PTPRD: variants seen among roughly 807,000 people sequenced by gnomAD.
The protein encoded by PTPRD is protein tyrosine phosphatase receptor type D.
A neutral mutation model predicts 214.5 loss-of-function variants in PTPRD; 34 were observed. That is an observed-to-expected ratio of 0.16 (90% CI 0.12 to 0.21). The LOEUF (loss-of-function observed/expected upper bound fraction) is 0.21. Ranked by LOEUF, PTPRD falls within the 10% of genes least tolerant of loss-of-function variation. PTPRD has a pLI of 1.00. For synonymous variants in PTPRD, 1,128 were observed against 845.7 expected, an observed-to-expected ratio of 1.33 and a Z score of -5.79; for missense variants, 2,545 against 2,398.7, an observed-to-expected ratio of 1.06 and a Z score of -1.27.
intron 2 of PTPRD, among the ~76,000 whole-genome samples, chr9:10,526,363 A>T (rs12555620): frequency 1.3e-5 from 2 of 152,114 alleles, no homozygotes; most frequent in African/African-American, 4.8e-5. Context: ...ATCATTGAAC[A>T]CATTTTTAAG....
chr9:10,476,008 A>G (rs2099060179), intron 2 of PTPRD, among the ~76,000 whole-genome samples: 1 of 152,174 alleles, frequency 6.6e-6, no homozygotes, highest in South Asian at 2.1e-4. Context: ...TATTTATAAC[A>G]AGCCCATAGC....
intron 5 of PTPRD, among the ~76,000 whole-genome samples, chr9:9,843,899 G>A (rs1405191388): frequency 6.6e-6 from 1 of 151,986 alleles, no homozygotes. Context: ...AATAGACCAT[G>A]ACAACATGGC....
intron 8 of PTPRD, among the ~76,000 whole-genome samples, chr9:9,493,904 C>G (rs1021409145): frequency 1.3e-5 from 2 of 151,506 alleles, no homozygotes; most frequent in African/African-American, 4.9e-5. Context: ...AACTGAAAAC[C>G]TTGCAGAAAA....
intron 11 of PTPRD, among the ~76,000 whole-genome samples, chr9:8,778,702 A>C (rs2095578902): frequency 1.3e-5 from 2 of 152,190 alleles, no homozygotes; most frequent in Non-Finnish European, 2.9e-5. Context: ...GCTTAGAAAG[A>C]TCAGTAATAC....
At chr9:9,989,474 G>A (rs2095838682) in intron 4 of PTPRD, among the ~76,000 whole-genome samples, 1 of 152,108 alleles carries the variant, frequency 6.6e-6, no homozygotes, top group Non-Finnish European at 1.5e-5. Context: ...TGGCTTGATG[G>A]CAGGACTTTG....
At chr9:8,369,887 C>T (rs1232431656) in intron 39 of PTPRD, among the ~76,000 whole-genome samples, 1 of 151,736 alleles carries the variant, frequency 6.6e-6, no homozygotes, top group Non-Finnish European at 1.5e-5. Flanking sequence ...CCAATGTATT[C>T]ATTCCTAACA....
chr9:10,496,998 C>T (rs1456134476), intron 2 of PTPRD, among the ~76,000 whole-genome samples: 2 of 151,914 alleles, frequency 1.3e-5, no homozygotes, highest in Non-Finnish European at 2.9e-5. Flanking sequence ...TCCTTTGCAC[C>T]AACATGGATG....
chr9:8,414,930 GGAGAGAGAGAGA>G lies in PTPRD; in HGVS notation c.4087-10282_4087-10271del, dbSNP rs58529453. 9.5e-3 allele frequency among the ~76,000 whole-genome samples: 466 copies of G among 49,240 alleles called. 4 individuals are homozygous for G. Among genetic ancestry groups the G allele is most frequent in the African/African-American group, 0.031 (395 of 12,854 alleles). The allele number at this position is 49,240 out of a possible 152,430, so 32.3% of individuals were successfully genotyped here. On this transcript the variant is annotated intron_variant, in intron 35 of 45. Transcript: ENST00000381196. ...GAGGGAGGGGGAGAGAGAGGGAGGGGGAGAGAGAGAGAGAGAGAGAGAGAGAGAGAGAGAGAG... is the reference window on the plus strand; with the variant it reads ...GAGGGAGGGGGAGAGAGAGGGAGGGGGAGAGAGAGAGAGAGAGAGAGAGAG...
chr9:9,423,336 C>G (rs1375284317), intron 8 of PTPRD, among the ~76,000 whole-genome samples: 2 of 152,138 alleles, frequency 1.3e-5, no homozygotes, highest in Non-Finnish European at 2.9e-5. Flanking sequence ...CTCTCCACTA[C>G]ACAAGTACAG....
chr9:8,595,393 C>G (rs989678176), intron 14 of PTPRD, among the ~76,000 whole-genome samples: 3 of 152,016 alleles, frequency 2.0e-5, no homozygotes, highest in African/African-American at 4.8e-5. Context: ...TTGAGAGAGA[C>G]AGTTTAGAAT....
intron 2 of PTPRD, among the ~76,000 whole-genome samples, chr9:10,461,994 G>A (rs1363377924): frequency 6.6e-6 from 1 of 152,010 alleles, no homozygotes; most frequent in African/African-American, 2.4e-5. Flanking sequence ...TGGTTACCAG[G>A]GTCAGGCTGT....
At chr9:8,714,225 T>A (rs1182795605) in intron 12 of PTPRD, among the ~76,000 whole-genome samples, 4 of 152,232 alleles carry the variant, frequency 2.6e-5, no homozygotes, top group Non-Finnish European at 2.9e-5. Context: ...GAGCAATGAT[T>A]ATTTTCCATA....
chr9:8,508,632 G>C (rs111741779), intron 21 of PTPRD, among the ~76,000 whole-genome samples: 1,797 of 152,166 alleles, frequency 0.012, 18 homozygotes, highest in Non-Finnish European at 0.021. Flanking sequence ...AACATCTAAA[G>C]TGTGCTTTAA....
At chr9:8,329,815 T>C (rs1563971597) in intron 44 of PTPRD, among the ~76,000 whole-genome samples, 2 of 151,862 alleles carry the variant, frequency 1.3e-5, no homozygotes, top group African/African-American at 4.8e-5. Context: ...ACTGTGAGGG[T>C]AAAACAAACA....
chr9:8,467,321 A>G (rs528270072), intron 31 of PTPRD, among the ~76,000 whole-genome samples: 2 of 151,902 alleles, frequency 1.3e-5, no homozygotes, highest in Non-Finnish European at 2.9e-5. Context: ...GAAAGGTAGC[A>G]CTATCTTTTA....
At chr9:10,544,618 T>A (rs180951057) in intron 2 of PTPRD, among the ~76,000 whole-genome samples, 3 of 152,182 alleles carry the variant, frequency 2.0e-5, no homozygotes, top group African/African-American at 7.2e-5. Flanking sequence ...TCTAGGACTA[T>A]AAGCACTCTA....
At chr9:10,567,058 T>C (rs1402599827) in intron 2 of PTPRD, among the ~76,000 whole-genome samples, 1 of 152,124 alleles carries the variant, frequency 6.6e-6, no homozygotes, top group Non-Finnish European at 1.5e-5. Flanking sequence ...TCCACCCATG[T>C]GCTTACATAG....
intron 3 of PTPRD, among the ~76,000 whole-genome samples, chr9:10,327,683 G>C (rs1468905556): frequency 6.6e-6 from 1 of 151,656 alleles, no homozygotes; most frequent in Non-Finnish European, 1.5e-5. Flanking sequence ...AGATTTACAA[G>C]AAGTGCTATT....
intron 9 of PTPRD, among the ~76,000 whole-genome samples, chr9:9,324,393 G>T (rs1330754266): frequency 6.6e-6 from 1 of 152,182 alleles, no homozygotes; most frequent in Non-Finnish European, 1.5e-5. Context: ...TAACTGGTGT[G>T]AGATGGTATC....
Sources: gnomAD v4.1 joint callset for allele counts (sites outside exome capture counted in the v4.1 genomes callset) on GRCh38, gnomAD v4.1.1 for gene constraint, MANE v1.5 for transcripts, NCBI Gene and HGNC (gene_info 2026-07-23, HGNC 2026-07-21) for gene names.